Variants in PDE5A observed in about 807,000 individuals in gnomAD.
The protein encoded by PDE5A is cGMP-specific 3',5'-cyclic phosphodiesterase.
In PDE5A, 67 loss-of-function variants were observed where a neutral mutation model predicts 110.2. The observed-to-expected ratio is 0.61, with a 90% CI of 0.50 to 0.75. The LOEUF (loss-of-function observed/expected upper bound fraction) is 0.75. Ranked by LOEUF, PDE5A falls within the 30% of genes least tolerant of loss-of-function variation. The probability of loss-of-function intolerance (pLI) is 0.00; values close to 1 mark genes in which losing one functional copy is unlikely to be tolerated. For synonymous variants in PDE5A, 328 were observed against 351.2 expected (o/e 0.93, Z 0.74); for missense variants, 862 against 1,045.1 (o/e 0.82, Z 2.42).
At position 119,562,824 on chromosome 4, in the gene PDE5A, T is replaced by C. The variant is rs1333539211; in HGVS notation, c.1131+9A>G. The C allele has an allele frequency of 2.6e-6, 4 of 1,553,600 alleles. No homozygotes were observed. The highest frequency in any genetic ancestry group is 3.5e-6 in the Non-Finnish European group (4 of 1,156,170). On this transcript the variant is annotated intron_variant, in intron 6 of 20. Transcript: ENST00000354960. ...TTCTAAAAATAAAAAAGTCATACTC[T>C]GTACTCACGGAGCAATCTTCATCCA...
At chr4:119,501,296 T>TTTA (rs1725319724) in intron 19 of PDE5A, 43 bp from the exon 20 acceptor site, 1 of 1,137,912 alleles carries the variant, frequency 8.8e-7, no homozygotes, top group Non-Finnish European at 1.3e-6. Context: ...TGTGCATTTA[T>TTTA]TTATTTAGTT....
intron 11 of PDE5A, among the ~76,000 whole-genome samples, chr4:119,527,510 A>G (rs1177462665): frequency 1.3e-5 from 2 of 152,160 alleles, no homozygotes; most frequent in Non-Finnish European, 2.9e-5. Flanking sequence ...AAGGCTTGGG[A>G]TAAAGGTGAT....
intron 2 of PDE5A, among the ~76,000 whole-genome samples, chr4:119,600,540 A>G (rs1222634766): frequency 6.6e-6 from 1 of 152,182 alleles, no homozygotes; most frequent in Non-Finnish European, 1.5e-5. Context: ...CGGAAAGTGT[A>G]AGATAGGCCT....
chr4:119,500,921 C>A, intron 20 of PDE5A: 1 of 471,148 alleles, frequency 2.1e-6, no homozygotes. Context: ...GTAACACTGG[C>A]ACATAATTCT....
At chr4:119,532,101 G>A (rs1220845928) in intron 11 of PDE5A, among the ~76,000 whole-genome samples, 2 of 152,044 alleles carry the variant, frequency 1.3e-5, no homozygotes, top group African/African-American at 4.8e-5. Flanking sequence ...ATGTATTGAA[G>A]GAGCTTGATC....
At chr4:119,597,981 T>C (rs1431068009) in intron 2 of PDE5A, among the ~76,000 whole-genome samples, 2 of 152,138 alleles carry the variant, frequency 1.3e-5, no homozygotes, top group Non-Finnish European at 2.9e-5. Flanking sequence ...AGAAAAACTT[T>C]AGCTGAATCT....
At position 119,523,968 on chromosome 4, in the gene PDE5A, G is replaced by A. The variant is rs149659701; in HGVS notation, c.1779+1581C>T. ...AGATCTTCATCTCATCAATAGATAC[G>A]GCTTTAAAAAAAGAGCCTTATGACC... On this transcript the variant is annotated intron_variant, in intron 12 of 20. Coordinates refer to ENST00000354960, the MANE Select transcript of PDE5A (RefSeq NM_001083.4). 7.6e-4 allele frequency among the ~76,000 whole-genome samples: 115 copies of A among 151,978 alleles called. 1 individual carries two copies. Among genetic ancestry groups the A allele is most frequent in the Admixed American group, 3.1e-3 (47 of 15,224 alleles).
intron 1 of PDE5A, among the ~76,000 whole-genome samples, chr4:119,628,246 A>C (rs1425234456): frequency 6.6e-6 from 1 of 150,456 alleles, no homozygotes; most frequent in African/African-American, 2.4e-5. Flanking sequence ...CGGATGTATG[A>C]AAATAATCAT....
chr4:119,543,045 T>TACACACACATACACACACACAC (rs1726999578), intron 9 of PDE5A: 1 of 124,380 alleles, frequency 8.0e-6, no homozygotes, highest in Non-Finnish European at 1.6e-5. Flanking sequence ...AAGTTAAACA[T>TACACACACATACACACACACAC]ACACACACAC....
chr4:119,552,205 A>G, intron 9 of PDE5A, among the ~76,000 whole-genome samples: 1 of 152,262 alleles, frequency 6.6e-6, no homozygotes, highest in Middle Eastern at 3.4e-3. Flanking sequence ...CCTATAACCT[A>G]AACTACATTC....
chr4:119,622,455 A>G (rs1730183693), intron 1 of PDE5A, among the ~76,000 whole-genome samples: 1 of 152,242 alleles, frequency 6.6e-6, no homozygotes. Flanking sequence ...AGTTAATCTT[A>G]CTTTATAATT....
Position 119,565,362 on chromosome 4 carries a change from G to C in PDE5A, c.952C>G (p.Gln318Glu). The C allele has an allele frequency of 1.2e-6, 2 of 1,612,382 alleles. No individual in the cohort carries two copies. Among genetic ancestry groups the C allele is most frequent in the Non-Finnish European group, 1.7e-6 (2 of 1,178,912 alleles). ...TCCAGCAGTGAAGTCTCATAGAGCT[G>C]AGCATTATGAAGAACAATACCACAA... ...AFCGIVLHNA[Q>E]LYETSLLENK... The change falls in exon 5 of 21, where the codon CAG becomes GAG. Residue 318 changes from glutamine (Q) to glutamate (E), a missense_variant. Physicochemically the swap from Gln to Glu is conservative, Grantham distance 29 (BLOSUM62 2). Transcript: ENST00000354960.
intron 3 of PDE5A, among the ~76,000 whole-genome samples, chr4:119,590,141 CTA>C (rs1425331210): frequency 6.6e-6 from 1 of 152,132 alleles, no homozygotes; most frequent in Non-Finnish European, 1.5e-5. Flanking sequence ...AGCAAGTTCC[CTA>C]TATGTTTCAT....
chr4:119,613,422 T>C (rs556348880), intron 1 of PDE5A, among the ~76,000 whole-genome samples: 1 of 152,124 alleles, frequency 6.6e-6, no homozygotes, highest in Non-Finnish European at 1.5e-5. Flanking sequence ...TTCCACAAGG[T>C]ACTATATTGG....
intron 3 of PDE5A, among the ~76,000 whole-genome samples, chr4:119,583,029 G>T (rs1728638118): frequency 6.6e-6 from 1 of 152,184 alleles, no homozygotes; most frequent in Admixed American, 6.5e-5. Context: ...TAACATCAGA[G>T]TCGGCCTATC....
At chr4:119,614,734 TA>T (rs1432835042) in intron 1 of PDE5A, among the ~76,000 whole-genome samples, 1 of 152,170 alleles carries the variant, frequency 6.6e-6, no homozygotes, top group Non-Finnish European at 1.5e-5. Flanking sequence ...GCAAACTACT[TA>T]TAAAAGGGAG....
At position 119,627,334 on chromosome 4, in the gene PDE5A, C is replaced by T; in HGVS notation, c.152+1186G>A. 7 of 1,124,856 alleles carry T rather than the reference C, an allele frequency of 6.2e-6. No homozygotes were observed. The highest frequency in any genetic ancestry group is 3.4e-5 in the South Asian group (1 of 29,560). The allele number at this position is 1,124,856 out of a possible 1,614,324, so 69.7% of individuals were successfully genotyped here. A position where few individuals can be genotyped will look rare whatever the true frequency, so the allele number is the denominator to read the frequency against. On this transcript the variant is annotated intron_variant, in intron 1 of 20. Transcript: ENST00000354960. The surrounding 1 kb of genome is among the most constrained non-coding windows in gnomAD (Gnocchi z 4.6). ...CCGCGCCGCCGCCCGTCGCCTCCCGCTCGCCCCGCGCTGCGCCGCCCCCTG... is the reference window on the plus strand; with the variant it reads ...CCGCGCCGCCGCCCGTCGCCTCCCGTTCGCCCCGCGCTGCGCCGCCCCCTG...
chr4:119,552,290 C>CTA (rs1727383154), intron 9 of PDE5A, among the ~76,000 whole-genome samples: 1 of 152,110 alleles, frequency 6.6e-6, no homozygotes, highest in Admixed American at 6.6e-5. Context: ...CTTATACAGT[C>CTA]TACCAAATTT....
chr4:119,591,994 A>G (rs1728982244), intron 3 of PDE5A, among the ~76,000 whole-genome samples: 1 of 151,378 alleles, frequency 6.6e-6, no homozygotes, highest in Non-Finnish European at 1.5e-5. Flanking sequence ...TACTAAAAAT[A>G]CAAAAATTAG....
Sources: gnomAD v4.1 joint callset for allele counts (sites outside exome capture counted in the v4.1 genomes callset) on GRCh38, gnomAD v4.1.1 for gene constraint, Gnocchi (gnomAD v3.1) non-coding constraint, MANE v1.5 for transcripts, NCBI Gene and HGNC (gene_info 2026-07-23, HGNC 2026-07-21) for gene names.